The following INTS12 variants were observed in gnomAD, a reference collection of about 807,000 sequenced individuals.
The protein encoded by INTS12 is integrator complex subunit 12.
INTS12 carries 13 observed loss-of-function variants against 41.6 expected under a neutral mutation model. That is an observed-to-expected ratio of 0.31 (90% CI 0.20 to 0.50). The LOEUF (loss-of-function observed/expected upper bound fraction) is 0.50, where lower values mean the gene tolerates loss of function less well. INTS12 is among the 20% of genes least tolerant of loss of function. INTS12 has a pLI of 0.98. For synonymous variants in INTS12, 199 were observed against 191.4 expected (o/e 1.04, Z -0.33); for missense variants, 432 against 541.6 (o/e 0.80, Z 2.01).
At chr4:105,696,533 A>C (rs1366174756) in intron 3 of INTS12, among the ~76,000 whole-genome samples, 2 of 152,172 alleles carry the variant, frequency 1.3e-5, no homozygotes, top group African/African-American at 4.8e-5. Context: ...TTAGTGTATC[A>C]ATAGTTAATT....
intron 4 of INTS12, among the ~76,000 whole-genome samples, chr4:105,694,938 T>A (rs1731807080): frequency 6.6e-6 from 1 of 152,096 alleles, no homozygotes; most frequent in African/African-American, 2.4e-5. Context: ...CTTTCCTTTT[T>A]TTTTGAGACA....
At chr4:105,685,544 T>G (rs1164250686) in intron 7 of INTS12, among the ~76,000 whole-genome samples, 1 of 152,136 alleles carries the variant, frequency 6.6e-6, no homozygotes, top group African/African-American at 2.4e-5. Context: ...TTAAAAGTAT[T>G]TCGTATTCAT....
chr4:105,682,922 T>C lies in INTS12; in HGVS notation c.1200A>G (p.Gln400=). ...TTCCACTATTTCCATTCCCACTTAG[T>C]TGGCTGCTGCTTCCTGGAACTAAAC... The part of the protein sequence containing the change: ...PSSLVPGSSS[Q]LSGNGNSGTS... Residue 400 remains glutamine, a synonymous_variant, in exon 8 of 8, where the codon CAA becomes CAG. Coordinates refer to ENST00000340139, the MANE Select transcript of INTS12 (RefSeq NM_020395.4). 2 of 1,614,144 alleles carry C rather than the reference T, an allele frequency of 1.2e-6. No homozygotes were observed. Among genetic ancestry groups the C allele is most frequent in the Admixed American group, 1.7e-5 (1 of 60,012 alleles).
chr4:105,692,827 A>G (rs1460798004), intron 5 of INTS12, among the ~76,000 whole-genome samples: 1 of 152,210 alleles, frequency 6.6e-6, no homozygotes. Context: ...CTTCATTAAT[A>G]TGAGTCACCT....
intron 1 of INTS12, among the ~76,000 whole-genome samples, chr4:105,706,917 T>C (rs1032262389): frequency 3.9e-5 from 6 of 152,166 alleles, no homozygotes; most frequent in Non-Finnish European, 5.9e-5. Flanking sequence ...ATTGTTGCCA[T>C]ATGAATTTTC....
rs146732187 is a variant in INTS12, at chr4:105,699,348, T to C, written c.156+502A>G. 8.6e-3 allele frequency among the ~76,000 whole-genome samples: 1,305 copies of C among 152,304 alleles called. 59 individuals carry two copies. The highest frequency in any genetic ancestry group is 0.067 in the Admixed American group (1,021 of 15,300). ...TGTTTGGTATCAAAACATATATTCT[T>C]TTCACATAAAGCTGCCATTGGCTGC... On this transcript the variant is annotated intron_variant, in intron 3 of 7. Coordinates refer to ENST00000340139, the MANE Select transcript of INTS12 (RefSeq NM_020395.4).
chr4:105,695,210 C>T (rs77730993), intron 4 of INTS12, among the ~76,000 whole-genome samples: 10,142 of 152,108 alleles, frequency 0.067, 345 homozygotes, highest in Middle Eastern at 0.099. Context: ...ATCTTTTCTT[C>T]TTAACAACTG....
At chr4:105,687,809 T>A (rs1043883481) in intron 6 of INTS12, among the ~76,000 whole-genome samples, 10 of 152,006 alleles carry the variant, frequency 6.6e-5, no homozygotes, top group Non-Finnish European at 7.4e-5. Flanking sequence ...AGAAATTAGC[T>A]GGGCATGGTG....
At chr4:105,685,537 A>G (rs1257572510) in intron 7 of INTS12, among the ~76,000 whole-genome samples, 2 of 152,172 alleles carry the variant, frequency 1.3e-5, no homozygotes, top group African/African-American at 4.8e-5. Context: ...TAAGTTTTTA[A>G]AAGTATTTCG....
chr4:105,693,277 T>C, intron 5 of INTS12, 22 bp downstream of exon 5: 2 of 1,550,344 alleles, frequency 1.3e-6, no homozygotes, highest in African/African-American at 2.7e-5. Flanking sequence ...AACAAAAGAA[T>C]CTGTGGCAAG....
In INTS12 at chr4:105,683,172, T is replaced by C. The variant is rs149069973; in HGVS notation, c.950A>G (p.Asn317Ser). 1.3e-5 allele frequency: 21 copies of C among 1,614,010 alleles called. No homozygotes were observed. The South Asian group carries it at 1.6e-4, about 13-fold the overall frequency. Reference sequence around the variant, plus strand: ...TGACGAAGTAGCAGGTTTCCCAGTATTGTTTTGTGTTGTTGAACTCAATTT... The same window carrying C: ...TGACGAAGTAGCAGGTTTCCCAGTACTGTTTTGTGTTGTTGAACTCAATTT... ...TAKLSSTTQN[N>S]TGKPATSSAN... Residue 317 changes from asparagine (N) to serine (S), a missense_variant, in exon 8 of 8, where the codon AAT (asparagine) becomes AGT (serine). Coordinates refer to ENST00000340139, the MANE Select transcript of INTS12 (RefSeq NM_020395.4).
chr4:105,684,258 G>A (rs186232328), intron 7 of INTS12, among the ~76,000 whole-genome samples: 1 of 152,062 alleles, frequency 6.6e-6, no homozygotes, highest in South Asian at 2.1e-4. Flanking sequence ...AGGCACAAAT[G>A]TACGTATTCA....
At chr4:105,686,897 A>G in intron 6 of INTS12, 59 bp from the exon 7 acceptor site, 3 of 1,454,346 alleles carry the variant, frequency 2.1e-6, no homozygotes, top group East Asian at 4.5e-5. Flanking sequence ...ACAGAAAGAT[A>G]ATAATCCCTC....
At chr4:105,695,760 T>G in intron 3 of INTS12, 92 bp from the exon 4 acceptor site, 1 of 1,023,914 alleles carries the variant, frequency 9.8e-7, no homozygotes, top group Non-Finnish European at 1.4e-6. Flanking sequence ...AGTTAAAAAT[T>G]AAGACATTTC....
In INTS12 at chr4:105,686,109, C is replaced by G. The variant is rs1044416463; in HGVS notation, c.804+583G>C. Among the ~76,000 whole-genome samples, 3 of 152,132 alleles carry G rather than the reference C, an allele frequency of 2.0e-5. No homozygotes were observed. The South Asian group carries it at 6.2e-4, about 32-fold the overall frequency. ...TGCAGTTTCGCTCTTGTCACCCAGG[C>G]TGGAGTGCAATGGTGCTATCTCAGC... On this transcript the variant is annotated intron_variant, in intron 7 of 7. Transcript: ENST00000340139.
chr4:105,693,203 G>T, intron 5 of INTS12, 96 bp downstream of exon 5: 1 of 999,252 alleles, frequency 1.0e-6, no homozygotes, highest in Non-Finnish European at 1.4e-6. Flanking sequence ...AATAGAAAAT[G>T]CACAACAATT....
intron 2 of INTS12, among the ~76,000 whole-genome samples, chr4:105,702,428 G>A (rs968512196): frequency 1.3e-5 from 2 of 151,962 alleles, no homozygotes; most frequent in East Asian, 1.9e-4. Context: ...GAGCCACCGC[G>A]CCCAGCCAAT....
At chr4:105,708,442 A>G (rs1732381426) in intron 1 of INTS12, 196 bp downstream of exon 1, 3 of 985,284 alleles carry the variant, frequency 3.0e-6, no homozygotes, top group Non-Finnish European at 3.6e-6. Context: ...CCGGCCCGCA[A>G]CTCCCTCGGA....
chr4:105,701,636 CTT>C (rs1319507969), intron 2 of INTS12, among the ~76,000 whole-genome samples: 1 of 151,906 alleles, frequency 6.6e-6, no homozygotes, highest in African/African-American at 2.4e-5. Flanking sequence ...AGCCTAATCT[CTT>C]TTTTTTCTTT....
Sources: allele counts gnomAD v4.1 joint callset (sites outside exome capture counted in the v4.1 genomes callset), GRCh38; gene constraint gnomAD v4.1.1; transcripts MANE v1.5; gene names NCBI Gene and HGNC (gene_info 2026-07-23, HGNC 2026-07-21).